MACROD2: variants seen among roughly 807,000 people sequenced by gnomAD.
MACROD2 encodes the protein mono-ADP ribosylhydrolase 2.
Under a neutral mutation model 70.4 loss-of-function variants are expected in MACROD2, and 36 were observed. The observed-to-expected ratio is 0.51, with a 90% CI of 0.39 to 0.68. MACROD2 has a LOEUF of 0.68. Ranked by LOEUF, MACROD2 falls within the 30% of genes least tolerant of loss-of-function variation. MACROD2 has a pLI of 0.00. For synonymous variants in MACROD2, 172 were observed against 178.8 expected, an observed-to-expected ratio of 0.96 and a Z score of 0.30; for missense variants, 496 against 538.4, an observed-to-expected ratio of 0.92 and a Z score of 0.78.
In MACROD2 at chr20:14,055,020, G is replaced by A. The variant is rs6110152; in HGVS notation, c.164-30601G>A. 8.2e-3 allele frequency among the ~76,000 whole-genome samples: 1,242 copies of A among 152,154 alleles called. 7 individuals are homozygous for A. The highest frequency in any genetic ancestry group is 0.016 in the African/African-American group (648 of 41,524). ...GTTGACAAAAGAAAACATAAAGGTC[G>A]ATATGATTATTTTCAAACTGAGAAG... is the stretch of plus-strand genomic sequence containing the variant. On this transcript the variant is annotated intron_variant, in intron 2 of 17. Coordinates refer to ENST00000684519, the MANE Select transcript of MACROD2 (RefSeq NM_001351661.2).
intron 2 of MACROD2, among the ~76,000 whole-genome samples, chr20:14,083,398 G>A (rs2054027695): frequency 1.3e-5 from 2 of 151,122 alleles, no homozygotes; most frequent in African/African-American, 4.9e-5. Flanking sequence ...ACCCCAGCCT[G>A]GGCAACAAGA....
intron 8 of MACROD2, among the ~76,000 whole-genome samples, chr20:15,679,615 C>T (rs2050132598): frequency 6.6e-6 from 1 of 152,200 alleles, no homozygotes; most frequent in Admixed American, 6.5e-5. Context: ...ACTCTCAGAG[C>T]TTTGAGCTGC....
intron 8 of MACROD2, among the ~76,000 whole-genome samples, chr20:15,822,441 CATG>C (rs892027914): frequency 1.1e-4 from 16 of 151,768 alleles, no homozygotes; most frequent in Admixed American, 2.0e-4. Context: ...TAAAATATAC[CATG>C]TTTGAAGTCA....
At chr20:15,778,292 A>G (rs1203759792) in intron 8 of MACROD2, among the ~76,000 whole-genome samples, 2 of 152,172 alleles carry the variant, frequency 1.3e-5, no homozygotes, top group Non-Finnish European at 2.9e-5. Context: ...TTGGTAGAAT[A>G]GACCACAAAA....
chr20:15,106,455 C>T (rs554745430), intron 5 of MACROD2, among the ~76,000 whole-genome samples: 2 of 152,142 alleles, frequency 1.3e-5, no homozygotes, highest in African/African-American at 2.4e-5. Flanking sequence ...AAATGATTGG[C>T]TATGCCATTC....
At chr20:15,853,812 A>T (rs1344829109) in intron 8 of MACROD2, among the ~76,000 whole-genome samples, 1 of 152,188 alleles carries the variant, frequency 6.6e-6, no homozygotes. Flanking sequence ...GCAATGTCAG[A>T]CTTTAGACTT....
chr20:15,240,190 A>G (rs1412692527), intron 6 of MACROD2, among the ~76,000 whole-genome samples: 5 of 152,168 alleles, frequency 3.3e-5, no homozygotes, highest in Admixed American at 3.3e-4. Flanking sequence ...TTGAAATGAC[A>G]GTCTTGTTTG....
intron 5 of MACROD2, among the ~76,000 whole-genome samples, chr20:15,219,409 A>C (rs2076839232): frequency 1.3e-5 from 2 of 152,316 alleles, no homozygotes; most frequent in East Asian, 1.9e-4. Context: ...CATTTAAATA[A>C]ATTTAAATAA....
At chr20:14,861,220 G>C (rs187658115) in intron 5 of MACROD2, among the ~76,000 whole-genome samples, 8 of 152,160 alleles carry the variant, frequency 5.3e-5, no homozygotes, top group Admixed American at 5.2e-4. Context: ...TACCCACTTA[G>C]GCCTACCTAA....
intron 15 of MACROD2, among the ~76,000 whole-genome samples, chr20:15,999,902 C>G (rs1423952689): frequency 6.6e-6 from 1 of 152,162 alleles, no homozygotes; most frequent in African/African-American, 2.4e-5. Context: ...GCATGCATAG[C>G]CTTTCTGGCC....
At chr20:14,272,987 C>A (rs910001169) in intron 3 of MACROD2, among the ~76,000 whole-genome samples, 1 of 151,604 alleles carries the variant, frequency 6.6e-6, no homozygotes, top group Non-Finnish European at 1.5e-5. Flanking sequence ...CACCCAGATT[C>A]ATAAAGCAAG....
At chr20:15,782,061 G>A (rs958408216) in intron 8 of MACROD2, among the ~76,000 whole-genome samples, 1 of 152,054 alleles carries the variant, frequency 6.6e-6, no homozygotes, top group African/African-American at 2.4e-5. Flanking sequence ...GAATTGGGGA[G>A]GGCTTAAGTC....
chr20:14,960,088 A>G (rs566912268), intron 5 of MACROD2, among the ~76,000 whole-genome samples: 3 of 152,240 alleles, frequency 2.0e-5, no homozygotes, highest in East Asian at 3.9e-4. Flanking sequence ...AGGGGTCAAA[A>G]CTCAAGGGGT....
chr20:14,470,120 A>G (rs748470790), intron 3 of MACROD2, among the ~76,000 whole-genome samples: 5 of 151,690 alleles, frequency 3.3e-5, no homozygotes, highest in African/African-American at 9.7e-5. Context: ...TTTTGTGTGG[A>G]CATCCTTTTT....
intron 5 of MACROD2, among the ~76,000 whole-genome samples, chr20:15,021,939 G>A (rs1192120224): frequency 1.3e-5 from 2 of 151,958 alleles, no homozygotes; most frequent in Non-Finnish European, 2.9e-5. Flanking sequence ...GAGGGGAGAG[G>A]AGTGTATGGG....
chr20:14,906,994 G>C (rs1366354853), intron 5 of MACROD2, among the ~76,000 whole-genome samples: 1 of 152,186 alleles, frequency 6.6e-6, no homozygotes, highest in Non-Finnish European at 1.5e-5. Context: ...TAGGAGGTGA[G>C]ACTCAGCTCT....
intron 8 of MACROD2, among the ~76,000 whole-genome samples, chr20:15,581,251 A>G (rs771822714): frequency 3.9e-5 from 6 of 152,182 alleles, no homozygotes; most frequent in Admixed American, 1.3e-4. Flanking sequence ...TATATTTGCA[A>G]TCCAACCATT....
At chr20:14,938,394 G>T (rs577521068) in intron 5 of MACROD2, among the ~76,000 whole-genome samples, 1 of 152,188 alleles carries the variant, frequency 6.6e-6, no homozygotes, top group East Asian at 1.9e-4. Context: ...TTTAACTGGG[G>T]TGAGAGGATA....
chr20:15,098,606 C>T (rs140724185), intron 5 of MACROD2, among the ~76,000 whole-genome samples: 2 of 152,252 alleles, frequency 1.3e-5, no homozygotes, highest in African/African-American at 2.4e-5. Flanking sequence ...ATGCTTAGTG[C>T]CGTGAATAGA....
Sources: gnomAD v4.1 joint callset for allele counts (sites outside exome capture counted in the v4.1 genomes callset) on GRCh38, gnomAD v4.1.1 for gene constraint, MANE v1.5 for transcripts, NCBI Gene and HGNC (gene_info 2026-07-23, HGNC 2026-07-21) for gene names.